The following SLC24A4 variants were observed in gnomAD, a reference collection of about 807,000 sequenced individuals.
SLC24A4 encodes the protein solute carrier family 24 member 4, also known as sodium/potassium/calcium exchanger 4.
Under a neutral mutation model 79.0 loss-of-function variants are expected in SLC24A4, and 53 were observed. The ratio of observed to expected loss-of-function variants is 0.67; its 90% CI spans 0.54 to 0.84. The LOEUF is 0.84. SLC24A4 is among the 40% of genes least tolerant of loss of function. The probability of loss-of-function intolerance (pLI) is 0.00; values close to 1 mark genes in which losing one functional copy is unlikely to be tolerated. For missense variants in SLC24A4, 731 were observed against 822.0 expected (o/e 0.89, Z 1.35); for synonymous variants, 323 against 323.8 (o/e 1.00, Z 0.03).
chr14:92,451,028 C>T (rs572017857), intron 10 of SLC24A4: 1 of 152,352 alleles, frequency 6.6e-6, no homozygotes, highest in Admixed American at 6.5e-5. Flanking sequence ...TCCCAAATCT[C>T]TTTAAGTCCA....
intron 2 of SLC24A4, among the ~76,000 whole-genome samples, chr14:92,407,957 A>G (rs1246286902): frequency 4.0e-5 from 6 of 149,518 alleles, no homozygotes; most frequent in Non-Finnish European, 7.4e-5. Flanking sequence ...ATTATTTCCA[A>G]TAACCGAAAG....
At chr14:92,462,227 G>A (rs1893855973) in intron 12 of SLC24A4, 1 of 152,182 alleles carries the variant, frequency 6.6e-6, no homozygotes, top group South Asian at 2.1e-4. Context: ...ATGGCCTTAG[G>A]TATGTACCCT....
At position 92,474,863 on chromosome 14, in the gene SLC24A4, A is replaced by ATATAT. The variant is rs36185636; in HGVS notation, c.1256-7816_1256-7815insATATT. On this transcript the variant is annotated intron_variant, in intron 12 of 16. Transcript: ENST00000532405. ...TGTGTGTATATATATATATATATAT[A>ATATAT]TTTTTTTTTTTTTTAGTAGACACAG... Among the ~76,000 whole-genome samples, 38 of 57,120 alleles carry ATATAT rather than the reference A, an allele frequency of 6.7e-4. 2 individuals carry two copies. The highest frequency in any genetic ancestry group is 2.3e-3 in the South Asian group (4 of 1,742). 37.5% of individuals were successfully genotyped at this position (57,120 alleles called of 152,430 possible).
chr14:92,448,345 T>TACATACACACACACAC (rs1055945349), intron 9 of SLC24A4, among the ~76,000 whole-genome samples: 1 of 132,058 alleles, frequency 7.6e-6, no homozygotes, highest in African/African-American at 2.9e-5. Context: ...TCCCACTACA[T>TACATACACACACACAC]ACACACACAC....
Position 92,439,529 on chromosome 14 carries a change from C to T in SLC24A4, c.393+120C>T, listed in dbSNP as rs557922825. On this transcript the variant is annotated intron_variant, in intron 4 of 16. Coordinates refer to ENST00000532405, the MANE Select transcript of SLC24A4 (RefSeq NM_153646.4). ...ATGCTGGTGGCAAAGACTGTCACAC[C>T]GAGCACTTAGTGTCTGCCCCATGGC... The T allele has an allele frequency of 2.6e-4, 241 of 911,644 alleles. 2 individuals are homozygous for T. The South Asian group carries it at 3.1e-3, about 12-fold the overall frequency. The allele number at this position is 911,644 out of a possible 1,614,324, so 56.5% of individuals were successfully genotyped here. A position where few individuals can be genotyped will look rare whatever the true frequency, so the allele number is the denominator to read the frequency against.
intron 12 of SLC24A4, among the ~76,000 whole-genome samples, chr14:92,470,273 CCA>C (rs1894363739): frequency 6.6e-6 from 1 of 152,142 alleles, no homozygotes; most frequent in Non-Finnish European, 1.5e-5. Flanking sequence ...AATTTGAGAA[CCA>C]CTGCTTCAGA....
chr14:92,484,634 G>A, intron 13 of SLC24A4: 1 of 985,398 alleles, frequency 1.0e-6, no homozygotes, highest in African/African-American at 1.7e-5. Flanking sequence ...CCCAGCCCCA[G>A]GCACTCACAC....
At chr14:92,382,757 G>A (rs1888928341) in intron 2 of SLC24A4, among the ~76,000 whole-genome samples, 2 of 152,320 alleles carry the variant, frequency 1.3e-5, no homozygotes, top group South Asian at 4.1e-4. Context: ...ATCCATCCTA[G>A]AGAAATTCTT....
intron 2 of SLC24A4, among the ~76,000 whole-genome samples, chr14:92,382,595 C>T (rs936402123): frequency 6.6e-6 from 1 of 152,094 alleles, no homozygotes; most frequent in African/African-American, 2.4e-5. Context: ...CCTATGAGGT[C>T]GGTAGAAGCA....
intron 2 of SLC24A4, among the ~76,000 whole-genome samples, chr14:92,354,107 C>T (rs761671215): frequency 2.1e-4 from 32 of 151,526 alleles, no homozygotes; most frequent in African/African-American, 2.2e-4. Context: ...CTGAGGAAGG[C>T]GTGTTTAGCC....
chr14:92,334,348 G>A (rs1190964015), intron 2 of SLC24A4, among the ~76,000 whole-genome samples: 1 of 152,144 alleles, frequency 6.6e-6, no homozygotes, highest in Non-Finnish European at 1.5e-5. Flanking sequence ...GACAGCCATA[G>A]GCTGGCACAG....
intron 2 of SLC24A4, among the ~76,000 whole-genome samples, chr14:92,358,471 G>T (rs374174641): frequency 6.6e-6 from 1 of 152,006 alleles, no homozygotes; most frequent in African/African-American, 2.4e-5. Context: ...GGTGATGACC[G>T]CTCACTCCGC....
rs139821169 is a variant in SLC24A4, at chr14:92,417,733, T to C, written c.242-16179T>C. Among the ~76,000 whole-genome samples, 1,105 of 152,376 alleles carry C rather than the reference T, an allele frequency of 7.3e-3. 42 individuals are homozygous for C. The highest frequency in any genetic ancestry group is 0.068 in the Admixed American group (1,044 of 15,304). On this transcript the variant is annotated intron_variant, in intron 2 of 16. Transcript: ENST00000532405. ...ATATTTTTTCTGTAGCTTTTCTGTG[T>C]TTAGATACACAAATGCTTACCACTG...
chr14:92,356,320 C>A (rs1241477583), intron 2 of SLC24A4, among the ~76,000 whole-genome samples: 1 of 152,226 alleles, frequency 6.6e-6, no homozygotes, highest in Admixed American at 6.5e-5. Context: ...TTGGCTTCCA[C>A]ATCTCTAGTC....
intron 16 of SLC24A4, among the ~76,000 whole-genome samples, chr14:92,492,527 G>GAT: frequency 6.6e-6 from 1 of 152,274 alleles, no homozygotes; most frequent in East Asian, 1.9e-4. Flanking sequence ...GTAGGAGAGA[G>GAT]ATCCTCCCCT....
At position 92,414,351 on chromosome 14, in the gene SLC24A4, G is replaced by T. The variant is rs1032058688; in HGVS notation, c.242-19561G>T. 3.3e-5 allele frequency among the ~76,000 whole-genome samples: 5 copies of T among 150,494 alleles called. No individual in the cohort carries two copies. The East Asian group carries it at 7.7e-4, about 23-fold the overall frequency. On this transcript the variant is annotated intron_variant, in intron 2 of 16. Coordinates refer to ENST00000532405, the MANE Select transcript of SLC24A4 (RefSeq NM_153646.4). ...GGACAATCACCCCTGGCTGAGCACT[G>T]CTTCCCCACATGAGGGCTTCTCACA...
At chr14:92,457,786 T>C (rs1310921327) in intron 12 of SLC24A4, among the ~76,000 whole-genome samples, 6 of 152,226 alleles carry the variant, frequency 3.9e-5, no homozygotes, top group Non-Finnish European at 8.8e-5. Flanking sequence ...TCCAGAACTT[T>C]CAAGTCCAGA....
intron 2 of SLC24A4, among the ~76,000 whole-genome samples, chr14:92,379,249 T>C (rs1566726407): frequency 6.6e-6 from 1 of 152,156 alleles, no homozygotes; most frequent in African/African-American, 2.4e-5. Context: ...GGATCTTCTG[T>C]TTATTGGGCA....
intron 2 of SLC24A4, among the ~76,000 whole-genome samples, chr14:92,390,929 C>T (rs1260845431): frequency 1.3e-5 from 2 of 152,198 alleles, no homozygotes; most frequent in Non-Finnish European, 2.9e-5. Flanking sequence ...CCTGGTCTTC[C>T]ATGTGGTCAT....
Sources: allele counts gnomAD v4.1 joint callset (sites outside exome capture counted in the v4.1 genomes callset), GRCh38; gene constraint gnomAD v4.1.1; transcripts MANE v1.5; gene names NCBI Gene and HGNC (gene_info 2026-07-23, HGNC 2026-07-21).